UGT1A10: variants seen among roughly 807,000 people sequenced by gnomAD.
The protein encoded by UGT1A10 is UDP glucuronosyltransferase family 1 member A10.
UGT1A10 carries 49 observed loss-of-function variants against 45.8 expected under a neutral mutation model. The observed-to-expected ratio is 1.07, with a 90% CI of 0.85 to 1.36. The LOEUF (loss-of-function observed/expected upper bound fraction) is 1.36, where lower values mean the gene tolerates loss of function less well. UGT1A10 is among the 40% of genes most tolerant of loss of function. The probability of loss-of-function intolerance (pLI) is 0.00; values close to 1 mark genes in which losing one functional copy is unlikely to be tolerated. For synonymous variants in UGT1A10, 284 were observed against 249.7 expected, an observed-to-expected ratio of 1.14 and a Z score of -1.29; for missense variants, 745 against 668.6, an observed-to-expected ratio of 1.11 and a Z score of -1.26.
intron 1 of UGT1A10, among the ~76,000 whole-genome samples, chr2:233,732,129 GTTGT>G (rs201829156): frequency 0.39 from 58,964 of 151,470 alleles, 11,923 homozygotes; most frequent in African/African-American, 0.5. Context: ...TTTTGATGAG[GTTGT>G]TTGTTTGTTT....
At chr2:233,721,341 A>G (rs1240342005) in intron 1 of UGT1A10, among the ~76,000 whole-genome samples, 4 of 152,142 alleles carry the variant, frequency 2.6e-5, no homozygotes, top group Admixed American at 2.6e-4. Context: ...CACTATGAAT[A>G]TATTCTTTAG....
At chr2:233,709,864 C>A (rs1389080873) in intron 1 of UGT1A10, among the ~76,000 whole-genome samples, 2 of 152,210 alleles carry the variant, frequency 1.3e-5, no homozygotes, top group Non-Finnish European at 2.9e-5. Context: ...ACGGAGCACT[C>A]CATTACCCAG....
intron 1 of UGT1A10, among the ~76,000 whole-genome samples, chr2:233,737,754 T>C (rs1342701991): frequency 6.6e-6 from 1 of 152,182 alleles, no homozygotes; most frequent in Non-Finnish European, 1.5e-5. Context: ...AGTTTTTCAA[T>C]GTGAACATAT....
chr2:233,746,482 T>A (rs1022385287), intron 1 of UGT1A10, among the ~76,000 whole-genome samples: 2 of 151,822 alleles, frequency 1.3e-5, no homozygotes, highest in Non-Finnish European at 2.9e-5. Context: ...ACACTTTCCA[T>A]GGACATGTCA....
At chr2:233,682,380 A>G in intron 1 of UGT1A10, 2 of 1,613,942 alleles carry the variant, frequency 1.2e-6, no homozygotes, top group Non-Finnish European at 1.7e-6. Flanking sequence ...GTGTTTCTCG[A>G]TCCTTTTGAT....
chr2:233,712,147 G>C (rs1170560500), intron 1 of UGT1A10, among the ~76,000 whole-genome samples: 1 of 152,218 alleles, frequency 6.6e-6, no homozygotes, highest in African/African-American at 2.4e-5. Flanking sequence ...GCATTCAGAA[G>C]AGGAATTCAG....
chr2:233,674,249 A>G (rs1418915824), intron 1 of UGT1A10, among the ~76,000 whole-genome samples: 1 of 152,190 alleles, frequency 6.6e-6, no homozygotes, highest in Non-Finnish European at 1.5e-5. Flanking sequence ...TGCTCTTTCT[A>G]AAAAGCAGGA....
At position 233,769,451 on chromosome 2, in the gene UGT1A10, G is replaced by A; in HGVS notation, c.1295+1012G>A. On this transcript the variant is annotated intron_variant, in intron 4 of 4. Transcript: ENST00000344644. This position sits in a 1 kb window ranked among gnomAD's most constrained non-coding sequence, Gnocchi z 4.4. ...TGTGCTCATGTGTGGGTGCACACGT[G>A]TGCATTCATATGCGTGTGTGTGTGT... is the stretch of plus-strand genomic sequence containing the variant. 1 of 1,590,738 alleles carries A rather than the reference G, an allele frequency of 6.3e-7. No homozygotes were observed. Among genetic ancestry groups the A allele is most frequent in the Non-Finnish European group, 8.6e-7 (1 of 1,161,554 alleles).
chr2:233,743,988 C>T (rs893316227), intron 1 of UGT1A10: 14 of 1,273,410 alleles, frequency 1.1e-5, no homozygotes, highest in Middle Eastern at 2.4e-4. Flanking sequence ...CAGGCGCAGG[C>T]CCGAGTGCTC....
chr2:233,730,566 G>A (rs1350125224), intron 1 of UGT1A10, among the ~76,000 whole-genome samples: 2 of 152,136 alleles, frequency 1.3e-5, no homozygotes, highest in African/African-American at 2.4e-5. Flanking sequence ...AATGACACAC[G>A]AAGTTCAGTT....
At chr2:233,664,435 G>T (rs1456384201) in intron 1 of UGT1A10, among the ~76,000 whole-genome samples, 1 of 152,160 alleles carries the variant, frequency 6.6e-6, no homozygotes, top group Non-Finnish European at 1.5e-5. Flanking sequence ...TTGCCATAAA[G>T]GAATGCCTGA....
chr2:233,637,622 G>A (rs190781596), intron 1 of UGT1A10, among the ~76,000 whole-genome samples: 44 of 152,076 alleles, frequency 2.9e-4, no homozygotes, highest in African/African-American at 1.0e-3. Flanking sequence ...TTTAAAATAC[G>A]ATGTTTAGAA....
intron 1 of UGT1A10, among the ~76,000 whole-genome samples, chr2:233,748,687 A>G (rs1421247794): frequency 6.6e-6 from 1 of 151,492 alleles, no homozygotes; most frequent in Non-Finnish European, 1.5e-5. Flanking sequence ...CTGACAAAAG[A>G]TTTTTCTGGT....
chr2:233,719,706 A>G (rs1314284418), intron 1 of UGT1A10: 4 of 1,614,008 alleles, frequency 2.5e-6, no homozygotes, highest in Non-Finnish European at 3.4e-6. Flanking sequence ...TGGTGCCTTC[A>G]TCCAATCAAT....
At chr2:233,705,174 G>A (rs1273957812) in intron 1 of UGT1A10, among the ~76,000 whole-genome samples, 1 of 151,752 alleles carries the variant, frequency 6.6e-6, no homozygotes, top group African/African-American at 2.4e-5. Flanking sequence ...GAATAAAGGG[G>A]AAGTATGCAT....
rs753373133 is a variant in UGT1A10, at chr2:233,768,431, T to C, written c.1287T>C (p.Asn429=). The change falls in exon 4 of 5, where the codon AAT becomes AAC. Residue 429 remains asparagine (N), a synonymous_variant. Coordinates refer to ENST00000344644, the MANE Select transcript of UGT1A10 (RefSeq NM_019075.4). ...AAAATGCTCTAAAAGCAGTCATCAA[T>C]GACAAAAGGTAAGAAAGAAGATACA... The part of the protein sequence containing the change: ...DLENALKAVI[N]DKSYKENIMR... 2 of 1,613,926 alleles carry C rather than the reference T, an allele frequency of 1.2e-6. No homozygotes were observed. The highest frequency in any genetic ancestry group is 1.7e-6 in the Non-Finnish European group (2 of 1,179,924).
chr2:233,672,742 A>T, intron 1 of UGT1A10: 2 of 1,613,888 alleles, frequency 1.2e-6, no homozygotes, highest in African/African-American at 1.3e-5. Context: ...GCCCAACATG[A>T]TCTTCATTGG....
At chr2:233,662,558 A>G (rs950806249) in intron 1 of UGT1A10, among the ~76,000 whole-genome samples, 12 of 152,214 alleles carry the variant, frequency 7.9e-5, no homozygotes, top group Non-Finnish European at 1.2e-4. Context: ...GAATTTCCCC[A>G]TAGATGATCA....
intron 1 of UGT1A10, among the ~76,000 whole-genome samples, chr2:233,661,639 C>CTTTCTTTCTTTCTTTCT (rs1320282572): frequency 7.5e-6 from 1 of 132,822 alleles, no homozygotes. Flanking sequence ...TTCTTTCTTT[C>CTTTCTTTCTTTCTTTCT]TTTCTTTCTT....
Sources: allele counts gnomAD v4.1 joint callset (sites outside exome capture counted in the v4.1 genomes callset), GRCh38; gene constraint gnomAD v4.1.1; non-coding constraint Gnocchi (gnomAD v3.1); transcripts MANE v1.5; gene names NCBI Gene and HGNC (gene_info 2026-07-23, HGNC 2026-07-21).